The following CTBP2 variants were observed in gnomAD, a reference collection of about 807,000 sequenced individuals.
CTBP2 encodes the protein C-terminal binding protein 2.
A neutral mutation model predicts 80.3 loss-of-function variants in CTBP2; 30 were observed. The ratio of observed to expected loss-of-function variants is 0.37; its 90% CI spans 0.28 to 0.51. CTBP2 has a LOEUF of 0.51. Among genes scored for constraint, CTBP2 ranks in the 20% least tolerant of loss-of-function variants. The pLI is 0.93. For synonymous variants in CTBP2, 594 were observed against 587.4 expected, an observed-to-expected ratio of 1.01 and a Z score of -0.16; for missense variants, 1,212 against 1,375.3, an observed-to-expected ratio of 0.88 and a Z score of 1.88.
intron 1 of CTBP2, among the ~76,000 whole-genome samples, chr10:125,119,937 G>C (rs1322592535): frequency 1.3e-5 from 2 of 152,242 alleles, no homozygotes; most frequent in Admixed American, 6.5e-5. Flanking sequence ...GCCCCATTTA[G>C]GATGTAAGTC....
chr10:125,152,225 A>AACCCCGGG (rs527506693), intron 1 of CTBP2, among the ~76,000 whole-genome samples: 7,628 of 152,144 alleles, frequency 0.05, 219 homozygotes, highest in Middle Eastern at 0.071. Context: ...GGGAGCCAGG[A>AACCCCGGG]ACCCCGGGAC....
upstream of CTBP2, among the ~76,000 whole-genome samples, chr10:125,028,714 T>G (rs977112245): frequency 5.3e-5 from 8 of 152,202 alleles, no homozygotes; most frequent in Admixed American, 5.2e-4. Flanking sequence ...AACAGGAGGA[T>G]GGGTGACTAA....
chr10:125,134,794 T>C (rs920511008), intron 1 of CTBP2, among the ~76,000 whole-genome samples: 36 of 101,766 alleles, frequency 3.5e-4, no homozygotes, highest in Non-Finnish European at 2.2e-4. Context: ...CCTCCCATCT[T>C]CCCCCAGCCT....
intron 1 of CTBP2, among the ~76,000 whole-genome samples, chr10:125,130,433 A>G (rs186978107): frequency 1.1e-3 from 162 of 152,218 alleles, no homozygotes; most frequent in African/African-American, 3.4e-3. Context: ...GAGCAAAGTG[A>G]TTACCACAGG....
intron 2 of CTBP2, among the ~76,000 whole-genome samples, chr10:125,104,955 C>T (rs977837688): frequency 6.6e-6 from 1 of 152,004 alleles, no homozygotes; most frequent in Non-Finnish European, 1.5e-5. Flanking sequence ...CCCGAGGACA[C>T]GAGGGTCATG....
At chr10:125,029,339 T>A (rs965421976), upstream of CTBP2, among the ~76,000 whole-genome samples, 8 of 151,682 alleles carry the variant, frequency 5.3e-5, no homozygotes, top group African/African-American at 1.9e-4. Context: ...CCTCCTGGGT[T>A]CAAGCAATTC....
At chr10:125,149,952 C>T (rs1439685746) in intron 1 of CTBP2, among the ~76,000 whole-genome samples, 3 of 152,384 alleles carry the variant, frequency 2.0e-5, no homozygotes, top group South Asian at 2.1e-4. Flanking sequence ...CTAAGGCCCA[C>T]ACCACACGGA....
At chr10:125,136,731 G>A (rs1857027780) in intron 1 of CTBP2, among the ~76,000 whole-genome samples, 1 of 152,152 alleles carries the variant, frequency 6.6e-6, no homozygotes, top group South Asian at 2.1e-4. Context: ...TACACAGCAG[G>A]GGCCAACGAA....
intron 2 of CTBP2, among the ~76,000 whole-genome samples, chr10:125,079,150 GAAAA>G (rs58370199): frequency 0.016 from 1,623 of 101,140 alleles, 11 homozygotes; most frequent in Non-Finnish European, 0.025. Context: ...TTGTCTCGAG[GAAAA>G]AAAAAAAAAA....
chr10:125,094,603 G>A (rs1406073577), intron 2 of CTBP2, among the ~76,000 whole-genome samples: 1 of 152,114 alleles, frequency 6.6e-6, no homozygotes, highest in East Asian at 1.9e-4. Context: ...TCAAGCAGGG[G>A]ACACTGGGCC....
chr10:124,994,085 C>T, intron 5 of CTBP2, 100 bp from the exon 8 acceptor site: 1 of 1,518,462 alleles, frequency 6.6e-7, no homozygotes, highest in Non-Finnish European at 8.9e-7. Flanking sequence ...TTTTGTTGGT[C>T]TGGTGGTTTA....
intron 1 of CTBP2, among the ~76,000 whole-genome samples, chr10:125,130,319 G>A (rs1176338008): frequency 1.3e-5 from 2 of 152,070 alleles, no homozygotes; most frequent in African/African-American, 2.4e-5. Flanking sequence ...AAAATGCAGG[G>A]ATTACAGGTG....
At chr10:125,011,751 A>G (rs11813432) in intron 1 of CTBP2, among the ~76,000 whole-genome samples, 12,476 of 152,326 alleles carry the variant, frequency 0.082, 595 homozygotes, top group Admixed American at 0.14. Context: ...CAGCGGGCCC[A>G]GAACACAGGA....
chr10:125,117,398 C>T (rs745444629), intron 1 of CTBP2, among the ~76,000 whole-genome samples: 2 of 152,086 alleles, frequency 1.3e-5, no homozygotes, highest in Non-Finnish European at 2.9e-5. Flanking sequence ...CACGTGTGAC[C>T]CATGCCCTCT....
chr10:125,066,802 C>T lies in CTBP2; in HGVS notation c.-101-27647G>A, dbSNP rs1844704749. On this transcript the variant is annotated intron_variant, in intron 2 of 10. Transcript: ENST00000337195. The surrounding 1 kb of genome is among the most constrained non-coding windows in gnomAD (Gnocchi z 4.1). Reference sequence around the variant, plus strand: ...AAAATGTAACAAAAAAGGAACTAGCCCATGTGTCGATCAGTAAATGCCTCA... The same window carrying T: ...AAAATGTAACAAAAAAGGAACTAGCTCATGTGTCGATCAGTAAATGCCTCA... Among the ~76,000 whole-genome samples, 1 of 152,160 alleles carries T rather than the reference C, an allele frequency of 6.6e-6. No individual in the cohort carries two copies. Among genetic ancestry groups the T allele is most frequent in the South Asian group, 2.1e-4 (1 of 4,832 alleles).
intron 2 of CTBP2, among the ~76,000 whole-genome samples, chr10:125,044,098 C>G (rs150448982): frequency 6.6e-6 from 1 of 152,162 alleles, no homozygotes; most frequent in Non-Finnish European, 1.5e-5. Flanking sequence ...GAAAAGATTC[C>G]CTGCAACCCA....
chr10:125,123,017 T>G (rs917677967), intron 1 of CTBP2: 1 of 152,216 alleles, frequency 6.6e-6, no homozygotes, highest in Non-Finnish European at 1.5e-5. Flanking sequence ...ATAACATTCT[T>G]AAATGACACT....
chr10:125,036,987 A>C (rs1344360157), intron 3 of CTBP2, among the ~76,000 whole-genome samples: 3 of 152,198 alleles, frequency 2.0e-5, no homozygotes, highest in African/African-American at 7.2e-5. Flanking sequence ...TGAGATGCCT[A>C]GGGAGCTGAC....
intron 4 of CTBP2, chr10:124,997,593 C>T (rs1182022359): frequency 1.1e-5 from 3 of 280,076 alleles, no homozygotes; most frequent in African/African-American, 6.5e-5. Flanking sequence ...CCAGCCCCTA[C>T]ACGAGCCCCA....
Sources: gnomAD v4.1 joint callset for allele counts (sites outside exome capture counted in the v4.1 genomes callset) on GRCh38, gnomAD v4.1.1 for gene constraint, Gnocchi (gnomAD v3.1) non-coding constraint, MANE v1.5 for transcripts, NCBI Gene and HGNC (gene_info 2026-07-23, HGNC 2026-07-21) for gene names.